Variants in PAXBP1 observed in about 807,000 individuals in gnomAD.
PAXBP1 encodes the protein PAX3 and PAX7 binding protein 1, also known as PAX3- and PAX7-binding protein 1.
Under a neutral mutation model 119.9 loss-of-function variants are expected in PAXBP1, and 44 were observed. The observed-to-expected ratio is 0.37, with a 90% CI of 0.29 to 0.47. The LOEUF (loss-of-function observed/expected upper bound fraction) is 0.47, where lower values mean the gene tolerates loss of function less well. Among genes scored for constraint, PAXBP1 ranks in the 20% least tolerant of loss-of-function variants. The probability of loss-of-function intolerance (pLI) is 0.99; values close to 1 mark genes in which losing one functional copy is unlikely to be tolerated. For missense variants in PAXBP1, 898 were observed against 1,134.1 expected (o/e 0.79, Z 2.99); for synonymous variants, 393 against 406.6 (o/e 0.97, Z 0.40).
At position 32,764,460 on chromosome 21, in the gene PAXBP1, G is replaced by A; in HGVS notation, c.537C>T (p.Ile179=). The A allele has an allele frequency of 4.3e-6, 7 of 1,613,744 alleles. No individual in the cohort carries two copies. Among genetic ancestry groups the A allele is most frequent in the Non-Finnish European group, 5.9e-6 (7 of 1,179,828 alleles). ...KDTNQEDGVI[I]SEHGEDEMDM... is the part of the protein sequence containing the mutation. ...CCATTTCATCTTCACCATGTTCACT[G>A]ATGATAACTCCATCTTCTTGATTTG... is the stretch of plus-strand genomic sequence containing the variant. Residue 179 remains isoleucine (I), a synonymous_variant, in exon 3 of 18, where the codon ATC becomes ATT. Coordinates refer to ENST00000331923, the MANE Select transcript of PAXBP1 (RefSeq NM_016631.4).
chr21:32,743,849 T>C (rs554911048), intron 13 of PAXBP1, 95 bp from the exon 14 acceptor site: 17 of 686,698 alleles, frequency 2.5e-5, no homozygotes, highest in African/African-American at 3.7e-5. Flanking sequence ...TTGAACTGAG[T>C]GAACTAGTTT....
intron 4 of PAXBP1, among the ~76,000 whole-genome samples, chr21:32,761,716 G>C (rs533021263): frequency 1.5e-4 from 22 of 151,502 alleles, no homozygotes; most frequent in Admixed American, 8.5e-4. Context: ...GGAGGCTGAG[G>C]CATGGTGGCC....
chr21:32,749,755 A>C (rs375538415), intron 10 of PAXBP1, among the ~76,000 whole-genome samples: 24 of 152,332 alleles, frequency 1.6e-4, no homozygotes, highest in African/African-American at 5.8e-4. Context: ...GAAATGGATC[A>C]AAGAACAAGT....
intron 10 of PAXBP1, among the ~76,000 whole-genome samples, chr21:32,749,415 G>A (rs563985636): frequency 1.3e-5 from 2 of 152,080 alleles, no homozygotes; most frequent in East Asian, 1.9e-4. Context: ...GGCTGGTCTC[G>A]AATTCCTGAC....
intron 1 of PAXBP1, 152 bp downstream of exon 1, chr21:32,771,174 G>A (rs1292607491): frequency 1.2e-5 from 9 of 747,736 alleles, no homozygotes; most frequent in Non-Finnish European, 1.8e-5. Context: ...CGAGCAGAAG[G>A]CCGGAGGCTG....
intron 2 of PAXBP1, among the ~76,000 whole-genome samples, chr21:32,769,247 C>T (rs1046031049): frequency 2.6e-5 from 4 of 151,858 alleles, no homozygotes; most frequent in Admixed American, 6.6e-5. Flanking sequence ...ACAAAATAAC[C>T]GCTTAAAATT....
At chr21:32,748,442 T>A in intron 11 of PAXBP1, 57 bp downstream of exon 11, 1 of 1,526,250 alleles carries the variant, frequency 6.6e-7, no homozygotes, top group African/African-American at 1.4e-5. Flanking sequence ...GCTTTGAGAT[T>A]AAAATTACCC....
At chr21:32,757,843 T>A (rs2044068647) in intron 7 of PAXBP1, among the ~76,000 whole-genome samples, 1 of 152,190 alleles carries the variant, frequency 6.6e-6, no homozygotes, top group African/African-American at 2.4e-5. Context: ...GACATGACTG[T>A]CAACTCTTGA....
chr21:32,761,982 G>A (rs1054619535), intron 4 of PAXBP1, 114 bp downstream of exon 4: 1 of 1,078,558 alleles, frequency 9.3e-7, no homozygotes, highest in Admixed American at 2.2e-5. Context: ...AGACACTGCA[G>A]TGAGCTATGA....
intron 15 of PAXBP1, 85 bp from the exon 16 acceptor site, chr21:32,738,404 A>T: frequency 9.0e-7 from 1 of 1,110,188 alleles, no homozygotes; most frequent in Non-Finnish European, 1.3e-6. Context: ...CACCATATGA[A>T]ATACAGCAGA....
intron 5 of PAXBP1, among the ~76,000 whole-genome samples, chr21:32,760,858 T>C (rs2044128603): frequency 6.6e-6 from 1 of 151,766 alleles, no homozygotes; most frequent in Non-Finnish European, 1.5e-5. Context: ...CCGAACACAC[T>C]GCAGTTTCTT....
intron 15 of PAXBP1, 22 bp downstream of exon 15, chr21:32,743,226 T>C (rs2043816047): frequency 1.9e-6 from 3 of 1,550,632 alleles, no homozygotes; most frequent in South Asian, 1.2e-5. Flanking sequence ...CTGAGTCTTT[T>C]AGATAGTCTA....
intron 15 of PAXBP1, among the ~76,000 whole-genome samples, chr21:32,741,916 G>T (rs1238025934): frequency 6.6e-6 from 1 of 152,152 alleles, no homozygotes; most frequent in Non-Finnish European, 1.5e-5. Context: ...CAATCCAAAT[G>T]TCCCTTAATT....
At position 32,735,981 on chromosome 21, in the gene PAXBP1, GTAGAAAAGTAAACAC is replaced by G. The variant is rs540093683; in HGVS notation, c.2637-929_2637-915del. Among the ~76,000 whole-genome samples, 61 of 152,300 alleles carry G rather than the reference GTAGAAAAGTAAACAC, an allele frequency of 4.0e-4. 1 individual carries two copies. Among genetic ancestry groups the G allele is most frequent in the African/African-American group, 1.3e-3 (53 of 41,568 alleles). ...TACATAGCTGTTAAAGTTCTTTTCT[GTAGAAAAGTAAACAC>G]TATTTGTTGATATTTAACTTCCAAA... On this transcript the variant is annotated intron_variant, in intron 17 of 17. Coordinates refer to ENST00000331923, the MANE Select transcript of PAXBP1 (RefSeq NM_016631.4).
At chr21:32,736,398 A>G (rs986275415) in intron 17 of PAXBP1, among the ~76,000 whole-genome samples, 13 of 152,078 alleles carry the variant, frequency 8.5e-5, no homozygotes, top group Non-Finnish European at 1.3e-4. Flanking sequence ...CATGTTGGCC[A>G]GGATGGTCTC....
Position 32,759,265 on chromosome 21 carries a change from C to T in PAXBP1, c.1198G>A (p.Asp400Asn), listed in dbSNP as rs1309234684. ...GTTTTGTGCAATTCTTTCATGGAGT[C>T]CAACCTTAGGAACACAAAAGGATAA... is the stretch of plus-strand genomic sequence containing the variant. ...LVKKQLKDRL[D>N]SMKELHKTNR... is the part of the protein sequence containing the mutation. Residue 400 changes from aspartate (D) to asparagine (N), a missense_variant, in exon 7 of 18, where the codon GAC becomes AAC. Physicochemically the swap from Asp to Asn is conservative, Grantham distance 23 (BLOSUM62 1). Coordinates refer to ENST00000331923, the MANE Select transcript of PAXBP1 (RefSeq NM_016631.4). 2 of 1,613,370 alleles carry T rather than the reference C, an allele frequency of 1.2e-6. No homozygotes were observed. Among genetic ancestry groups the T allele is most frequent in the Non-Finnish European group, 1.7e-6 (2 of 1,179,700 alleles).
intron 15 of PAXBP1, among the ~76,000 whole-genome samples, chr21:32,739,938 T>TAGAA (rs1555917011): frequency 2.1e-5 from 1 of 47,006 alleles, no homozygotes. Context: ...CTCGTCTCTT[T>TAGAA]AAAAAAAAAA....
At position 32,737,304 on chromosome 21, in the gene PAXBP1, T is replaced by A. The variant is rs563031399; in HGVS notation, c.2586A>T (p.Thr862=). 1.2e-5 allele frequency: 19 copies of A among 1,593,000 alleles called. No individual in the cohort carries two copies. Among genetic ancestry groups the A allele is most frequent in the Non-Finnish European group, 1.4e-5 (16 of 1,169,382 alleles). ...FCRYLVHLAD[T]IYRNSIGCSD... ...AACACCCGATACTATTTCTATAAAT[T>A]GTATCCGCTAAGTGTACAAGGTATC... Residue 862 remains threonine, a synonymous_variant, in exon 17 of 18, where the codon ACA becomes ACT. Coordinates refer to ENST00000331923, the MANE Select transcript of PAXBP1 (RefSeq NM_016631.4).
chr21:32,739,089 C>G (rs983833807), intron 15 of PAXBP1, among the ~76,000 whole-genome samples: 2 of 152,214 alleles, frequency 1.3e-5, no homozygotes, highest in African/African-American at 2.4e-5. Context: ...CACTGAGTAG[C>G]CTTTCTGAAG....
Sources: allele counts gnomAD v4.1 joint callset (sites outside exome capture counted in the v4.1 genomes callset), GRCh38; gene constraint gnomAD v4.1.1; transcripts MANE v1.5; gene names NCBI Gene and HGNC (gene_info 2026-07-23, HGNC 2026-07-21).